PRKN: variants seen among roughly 807,000 people sequenced by gnomAD.
PRKN encodes parkin RBR E3 ubiquitin protein ligase, also known as E3 ubiquitin-protein ligase parkin.
A neutral mutation model predicts 59.5 loss-of-function variants in PRKN; 56 were observed. That is an observed-to-expected ratio of 0.94 (90% CI 0.76 to 1.18). PRKN has a LOEUF of 1.18. Among genes scored for constraint, PRKN ranks in the 50% most tolerant of loss-of-function variants. The probability of loss-of-function intolerance (pLI) is 0.00; values close to 1 mark genes in which losing one functional copy is unlikely to be tolerated. For missense variants in PRKN, 657 were observed against 596.4 expected (o/e 1.10, Z -1.06); for synonymous variants, 250 against 222.1 (o/e 1.13, Z -1.12).
intron 1 of PRKN, among the ~76,000 whole-genome samples, chr6:162,498,062 A>T (rs1793150404): frequency 6.6e-6 from 1 of 152,194 alleles, no homozygotes; most frequent in South Asian, 2.1e-4. Flanking sequence ...AAAGGAAAAA[A>T]ACACCATTTA....
chr6:161,975,373 A>C (rs1023527642), intron 5 of PRKN, among the ~76,000 whole-genome samples: 2 of 152,098 alleles, frequency 1.3e-5, no homozygotes, highest in Non-Finnish European at 2.9e-5. Flanking sequence ...TGAGCCTGTA[A>C]TATGCCCAGC....
At position 161,591,553 on chromosome 6, in the gene PRKN, C is replaced by A. The variant is rs925814034; in HGVS notation, c.872-22137G>T. Among the ~76,000 whole-genome samples, 6 of 152,162 alleles carry A rather than the reference C, an allele frequency of 3.9e-5. No individual in the cohort carries two copies. In the East Asian group the frequency reaches 9.6e-4, roughly 24 times the overall value. ...GCTTTGCCTTGTTTTTTGTTTTTTA[C>A]AGCTGAGAAAATTTGAGTTTCCACA... On this transcript the variant is annotated intron_variant, in intron 7 of 11. Transcript: ENST00000366898.
intron 7 of PRKN, among the ~76,000 whole-genome samples, chr6:161,635,591 A>G (rs534763906): frequency 7.2e-5 from 11 of 152,322 alleles, no homozygotes; most frequent in African/African-American, 2.6e-4. Context: ...GCATCATCAG[A>G]CGCACTACAT....
chr6:161,967,918 G>C (rs1438197624), intron 6 of PRKN, among the ~76,000 whole-genome samples: 1 of 152,164 alleles, frequency 6.6e-6, no homozygotes, highest in Admixed American at 6.5e-5. Context: ...AATCAGAATA[G>C]AGGAAACAGC....
intron 6 of PRKN, among the ~76,000 whole-genome samples, chr6:161,918,652 G>C (rs1015411835): frequency 6.6e-6 from 1 of 152,126 alleles, no homozygotes; most frequent in Non-Finnish European, 1.5e-5. Flanking sequence ...TCAGTGGGGT[G>C]AGTTCTTTTT....
intron 6 of PRKN, among the ~76,000 whole-genome samples, chr6:161,957,563 T>A (rs1780227577): frequency 6.6e-6 from 1 of 152,056 alleles, no homozygotes; most frequent in Admixed American, 6.5e-5. Flanking sequence ...TAGCTGGGAT[T>A]ACAAGTGTGC....
chr6:161,788,680 C>T (rs1283457062), intron 6 of PRKN, among the ~76,000 whole-genome samples: 1 of 152,170 alleles, frequency 6.6e-6, no homozygotes, highest in African/African-American at 2.4e-5. Flanking sequence ...GACAGAGACT[C>T]ATGTAACTCC....
chr6:161,839,610 C>T lies in PRKN; in HGVS notation c.735-53702G>A, dbSNP rs149817840. Among the ~76,000 whole-genome samples the T allele has an allele frequency of 6.9e-3, 1,049 of 152,204 alleles. 16 individuals are homozygous for T. The highest frequency in any genetic ancestry group is 0.023 in the African/African-American group (967 of 41,542). The stretch of plus-strand genomic sequence containing the variant: ...GGAACCCCAGGAGAGTCAGATCCCT[C>T]GTCTGCAAAGCTCTAGATATCCCTG... On this transcript the variant is annotated intron_variant, in intron 6 of 11. Coordinates refer to ENST00000366898, the MANE Select transcript of PRKN (RefSeq NM_004562.3).
chr6:161,935,858 C>T (rs1562401338), intron 6 of PRKN, among the ~76,000 whole-genome samples: 1 of 152,174 alleles, frequency 6.6e-6, no homozygotes, highest in African/African-American at 2.4e-5. Flanking sequence ...TGTACCCTAA[C>T]TGAAGAGGAA....
At chr6:162,087,743 G>A (rs1300430794) in intron 4 of PRKN, among the ~76,000 whole-genome samples, 3 of 151,796 alleles carry the variant, frequency 2.0e-5, no homozygotes, top group African/African-American at 4.8e-5. Context: ...ACAGGCACAC[G>A]CCACCACGCC....
intron 5 of PRKN, among the ~76,000 whole-genome samples, chr6:162,006,056 A>G (rs1262916787): frequency 6.6e-6 from 1 of 152,162 alleles, no homozygotes; most frequent in African/African-American, 2.4e-5. Context: ...GTAAATCTGC[A>G]TTTCTTAGAA....
intron 7 of PRKN, among the ~76,000 whole-genome samples, chr6:161,673,585 T>C (rs1244125842): frequency 1.3e-5 from 2 of 152,140 alleles, no homozygotes; most frequent in Non-Finnish European, 2.9e-5. Context: ...TGGGACGTTA[T>C]TTGACTTCAA....
At chr6:162,612,460 C>T (rs2846536) in intron 1 of PRKN, among the ~76,000 whole-genome samples, 121,094 of 151,256 alleles carry the variant, frequency 0.8, 48,644 homozygotes, top group East Asian at 0.95. Context: ...AGAGACATCG[C>T]GGTATTGAAC....
intron 1 of PRKN, among the ~76,000 whole-genome samples, chr6:162,663,000 G>A (rs541380274): frequency 3.2e-4 from 49 of 152,196 alleles, no homozygotes; most frequent in African/African-American, 8.9e-4. Context: ...GATGAAGGCA[G>A]GGGGAAGCAT....
At chr6:162,366,319 T>C (rs946310821) in intron 2 of PRKN, among the ~76,000 whole-genome samples, 5 of 152,218 alleles carry the variant, frequency 3.3e-5, no homozygotes, top group Admixed American at 1.3e-4. Flanking sequence ...TCCATTATTA[T>C]ACAAGATTGA....
rs887214524 is a variant in PRKN at position 162,182,348 on chromosome 6, G to A, written c.534+18783C>T. ...GCTGTATTCAGAGATATTGAAGACA[G>A]ACTTATAAAATATAATAGAATTTTA... On this transcript the variant is annotated intron_variant, in intron 4 of 11. Transcript: ENST00000366898. Among the ~76,000 whole-genome samples, 13 of 152,180 alleles carry A rather than the reference G, an allele frequency of 8.5e-5. No individual in the cohort carries two copies. The East Asian group carries it at 2.5e-3, about 29-fold the overall frequency.
At chr6:162,142,579 G>C (rs1369198740) in intron 4 of PRKN, among the ~76,000 whole-genome samples, 1 of 152,062 alleles carries the variant, frequency 6.6e-6, no homozygotes, top group Non-Finnish European at 1.5e-5. Flanking sequence ...TTTTATTTAT[G>C]CAATAAAGAT....
chr6:162,416,160 C>T (rs1788621201), intron 2 of PRKN, among the ~76,000 whole-genome samples: 1 of 152,136 alleles, frequency 6.6e-6, no homozygotes, highest in South Asian at 2.1e-4. Context: ...ATACCACTGC[C>T]ATAACAATGA....
In PRKN at chr6:161,874,993, TATATA is replaced by T. The variant is rs1341604387; in HGVS notation, c.735-89090_735-89086del. Among the ~76,000 whole-genome samples, 9 of 65,886 alleles carry T rather than the reference TATATA, an allele frequency of 1.4e-4. 1 individual carries two copies. The highest frequency in any genetic ancestry group is 5.0e-4 in the African/African-American group (6 of 11,914). The allele number at this position is 65,886 out of a possible 152,430, so 43.2% of individuals were successfully genotyped here. A position where few individuals can be genotyped will look rare whatever the true frequency, so the allele number is the denominator to read the frequency against. The stretch of plus-strand genomic sequence containing the variant: ...ATAATTTATTATATTATATACTTTA[TATATA>T]ATATATTATATATTATATATAAAGT... On this transcript the variant is annotated intron_variant, in intron 6 of 11. Transcript: ENST00000366898.
Sources: gnomAD v4.1 joint callset for allele counts (sites outside exome capture counted in the v4.1 genomes callset) on GRCh38, gnomAD v4.1.1 for gene constraint, MANE v1.5 for transcripts, NCBI Gene and HGNC (gene_info 2026-07-23, HGNC 2026-07-21) for gene names.